Variants in SRGAP2 observed in about 807,000 individuals in gnomAD.
SRGAP2 encodes SLIT-ROBO Rho GTPase activating protein 2.
In SRGAP2, 15 loss-of-function variants were observed where a neutral mutation model predicts 57.2. The ratio of observed to expected loss-of-function variants is 0.26; its 90% confidence interval spans 0.18 to 0.40. The LOEUF (loss-of-function observed/expected upper bound fraction) is 0.40. Ranked by LOEUF, SRGAP2 falls within the 10% of genes least tolerant of loss-of-function variation. SRGAP2 has a pLI of 1.00. For missense variants in SRGAP2, 520 were observed against 669.6 expected (o/e 0.78, Z 2.47); for synonymous variants, 249 against 248.0 (o/e 1.00, Z -0.04).
rs782797554 is a variant in SRGAP2, at chr1:206,438,058, C to T, written c.1728C>T (p.Leu576=). Residue 576 remains leucine (L), a synonymous_variant, in exon 16 of 23, where the codon CTC becomes CTT. Transcript: ENST00000573034. ...ACTTCCGGGGGCTGGAACACCCTCT[C>T]TTCCCCAAGGACATCTTTCATGACC... is the stretch of plus-strand genomic sequence containing the variant. The part of the protein sequence containing the change: ...KLYFRGLEHP[L]FPKDIFHDLM... The T allele has an allele frequency of 7.7e-6, 6 of 780,814 alleles. No homozygotes were observed. Among genetic ancestry groups the T allele is most frequent in the Non-Finnish European group, 1.4e-5 (6 of 417,992 alleles). 48.4% of individuals were successfully genotyped at this position (780,814 alleles called of 1,614,324 possible).
At chr1:206,211,107 G>A (rs1666286912) in intron 2 of SRGAP2, among the ~76,000 whole-genome samples, 1 of 146,674 alleles carries the variant, frequency 6.8e-6, no homozygotes, top group African/African-American at 2.5e-5. Context: ...TTCAATTTCA[G>A]GTGTTCTTGG....
intron 7 of SRGAP2, among the ~76,000 whole-genome samples, chr1:206,398,782 G>T (rs1193210287): frequency 6.6e-6 from 1 of 152,242 alleles, no homozygotes; most frequent in Non-Finnish European, 1.5e-5. Context: ...GTAGATTAGT[G>T]TGTTTCTAAG....
intron 13 of SRGAP2, among the ~76,000 whole-genome samples, chr1:206,424,300 A>G (rs1384730976): frequency 6.6e-6 from 1 of 152,206 alleles, no homozygotes; most frequent in East Asian, 1.9e-4. Context: ...TAAGCTGACA[A>G]GGATTTCTAA....
intron 2 of SRGAP2, among the ~76,000 whole-genome samples, chr1:206,292,388 T>G: frequency 6.6e-6 from 1 of 152,186 alleles, no homozygotes; most frequent in South Asian, 2.1e-4. Flanking sequence ...TAGAAGGCAA[T>G]GCACTGTCAG....
At chr1:206,445,981 T>G in intron 17 of SRGAP2, 94 bp from the exon 18 acceptor site, 1 of 699,494 alleles carries the variant, frequency 1.4e-6, no homozygotes, top group East Asian at 2.6e-5. Flanking sequence ...TTGTGGACCT[T>G]CTGCTTTTGC....
At chr1:206,434,939 C>T (rs1661595877) in intron 14 of SRGAP2, among the ~76,000 whole-genome samples, 2 of 152,220 alleles carry the variant, frequency 1.3e-5, no homozygotes, top group Admixed American at 6.5e-5. Context: ...TTTGCTTATA[C>T]CATGTTGTGA....
chr1:206,429,083 G>A (rs931766818), intron 13 of SRGAP2, among the ~76,000 whole-genome samples: 2 of 152,138 alleles, frequency 1.3e-5, no homozygotes, highest in Non-Finnish European at 2.9e-5. Context: ...AGGCACTAAT[G>A]TTCATGTGTT....
rs1674529859 is a variant in SRGAP2 at position 206,333,435 on chromosome 1, C to G, written c.261-9411C>G. 7 of 1,462,182 alleles carry G rather than the reference C, an allele frequency of 4.8e-6. No individual in the cohort carries two copies. In the East Asian group the frequency reaches 6.8e-5, roughly 14 times the overall value. 90.6% of individuals were successfully genotyped at this position (1,462,182 alleles called of 1,614,324 possible). A position where few individuals can be genotyped will look rare whatever the true frequency, so the allele number is the denominator to read the frequency against. On this transcript the variant is annotated intron_variant, in intron 3 of 22. Coordinates refer to ENST00000573034, the MANE Select transcript of SRGAP2 (RefSeq NM_015326.5). Reference sequence around the variant, plus strand: ...TTCTTCAAGGTATCACTGAGATTATCCATGTTGCTCCCCGAGGGTGAGGAA... The same window carrying G: ...TTCTTCAAGGTATCACTGAGATTATGCATGTTGCTCCCCGAGGGTGAGGAA...
chr1:206,269,368 A>AT (rs1670070900), intron 2 of SRGAP2, among the ~76,000 whole-genome samples: 2 of 127,398 alleles, frequency 1.6e-5, no homozygotes, highest in African/African-American at 6.5e-5. Flanking sequence ...GCGATGCTCT[A>AT]TTTTTTATCT....
intron 2 of SRGAP2, among the ~76,000 whole-genome samples, chr1:206,273,129 G>A (rs1223529561): frequency 1.3e-5 from 2 of 152,016 alleles, no homozygotes; most frequent in Non-Finnish European, 2.9e-5. Flanking sequence ...GAGTAGCTGG[G>A]GGTTGGCACA....
chr1:206,327,987 G>A (rs1357199793), intron 3 of SRGAP2, among the ~76,000 whole-genome samples: 3 of 123,832 alleles, frequency 2.4e-5, no homozygotes, highest in Non-Finnish European at 4.8e-5. Flanking sequence ...TCCCCAGAGT[G>A]TGATATTCCC....
Position 206,450,279 on chromosome 1 carries a change from G to A in SRGAP2, c.2100-107G>A. 5.9e-6 allele frequency: 4 copies of A among 682,618 alleles called. 1 individual carries two copies. In the South Asian group the frequency reaches 6.6e-5, roughly 11 times the overall value. The allele number at this position is 682,618 out of a possible 1,614,324, so 42.3% of individuals were successfully genotyped here. ...ATTGTGTGCAGTTAGGATATAGAGA[G>A]CATAAGATGGATTCAGTGCCCTCGC... is the stretch of plus-strand genomic sequence containing the variant. On this transcript the variant is annotated intron_variant, in intron 18 of 22. Transcript: ENST00000573034.
intron 4 of SRGAP2, among the ~76,000 whole-genome samples, chr1:206,365,895 A>C (rs1314457349): frequency 1.3e-5 from 2 of 151,176 alleles, no homozygotes; most frequent in Non-Finnish European, 2.9e-5. Flanking sequence ...TTGGGAAAGA[A>C]CTGAAGTTTT....
At chr1:206,211,586 A>ATTACT (rs1301400398) in intron 2 of SRGAP2, among the ~76,000 whole-genome samples, 3 of 142,496 alleles carry the variant, frequency 2.1e-5, no homozygotes, top group African/African-American at 7.7e-5. Flanking sequence ...AACATAAGTA[A>ATTACT]TAACAGCACT....
chr1:206,462,497 A>G lies in SRGAP2; in HGVS notation c.*1077A>G, dbSNP rs1446985819. The G allele has an allele frequency of 6.6e-6, 1 of 152,628 alleles. No individual in the cohort carries two copies. The highest frequency in any genetic ancestry group is 1.9e-4 in the East Asian group (1 of 5,200). 9.5% of individuals were successfully genotyped at this position (152,628 alleles called of 1,614,324 possible). A position where few individuals can be genotyped will look rare whatever the true frequency, so the allele number is the denominator to read the frequency against. ...ATTATCCTATTAAAAAATTAAATTC[A>G]GCTTTGCTAATCCAGAAATTGTTCC... is the stretch of plus-strand genomic sequence containing the variant. On this transcript the variant is annotated 3_prime_UTR_variant, in exon 23 of 23. Transcript: ENST00000573034.
At chr1:206,317,946 A>G (rs1673174450) in intron 3 of SRGAP2, among the ~76,000 whole-genome samples, 1 of 151,294 alleles carries the variant, frequency 6.6e-6, no homozygotes, top group Non-Finnish European at 1.5e-5. Flanking sequence ...AACTAGGATT[A>G]TCTTCAACAG....
chr1:206,357,531 G>A (rs1676528874), intron 4 of SRGAP2, among the ~76,000 whole-genome samples: 2 of 150,512 alleles, frequency 1.3e-5, no homozygotes, highest in South Asian at 4.2e-4. Flanking sequence ...CTGTAGTCTG[G>A]CTGTCCCTTA....
chr1:206,374,210 A>G (rs1455013677), intron 4 of SRGAP2, among the ~76,000 whole-genome samples: 40 of 150,544 alleles, frequency 2.7e-4, no homozygotes, highest in Non-Finnish European at 4.3e-4. Context: ...TTGTATTTTT[A>G]GTAGAGATGG....
chr1:206,420,669 G>T (rs777260194), intron 12 of SRGAP2, among the ~76,000 whole-genome samples: 1 of 152,050 alleles, frequency 6.6e-6, no homozygotes, highest in East Asian at 1.9e-4. Context: ...CCTTGGTTTG[G>T]GTGTTATGCC....
Sources: allele counts gnomAD v4.1 joint callset (sites outside exome capture counted in the v4.1 genomes callset), GRCh38; gene constraint gnomAD v4.1.1; transcripts MANE v1.5; gene names NCBI Gene and HGNC (gene_info 2026-07-23, HGNC 2026-07-21).